The following VEZT variants were observed in gnomAD, a reference collection of about 807,000 sequenced individuals.
VEZT encodes vezatin.
VEZT carries 39 observed loss-of-function variants against 79.9 expected under a neutral mutation model. That is an observed-to-expected ratio of 0.49 (90% CI 0.38 to 0.64). The LOEUF is 0.64. Ranked by LOEUF, VEZT falls within the 30% of genes least tolerant of loss-of-function variation. The pLI is 0.00. For synonymous variants in VEZT, 325 were observed against 327.6 expected (o/e 0.99, Z 0.09); for missense variants, 837 against 893.1 (o/e 0.94, Z 0.80).
chr12:95,288,480 A>G (rs949798172), intron 9 of VEZT, among the ~76,000 whole-genome samples: 9 of 152,100 alleles, frequency 5.9e-5, no homozygotes, highest in East Asian at 1.9e-4. Flanking sequence ...TGGCATATCA[A>G]TTTTTAAAAA....
intron 1 of VEZT, among the ~76,000 whole-genome samples, chr12:95,250,316 TTTG>T (rs1389078369): frequency 1.3e-5 from 2 of 149,004 alleles, no homozygotes; most frequent in African/African-American, 4.9e-5. Context: ...TTTTTTTTTT[TTTG>T]TGAGACAAAG....
intron 1 of VEZT, among the ~76,000 whole-genome samples, chr12:95,249,744 T>C (rs1566084580): frequency 6.6e-6 from 1 of 152,206 alleles, no homozygotes; most frequent in Non-Finnish European, 1.5e-5. Context: ...CCTGACATTG[T>C]TAACTTGCTT....
rs1473200293 is a variant in VEZT at position 95,294,287 on chromosome 12, CA to C, written c.1539del (p.Cys514ValfsTer8). 6.3e-7 allele frequency: 1 copy of C among 1,587,182 alleles called. No individual in the cohort carries two copies. Among genetic ancestry groups the C allele is most frequent in the Non-Finnish European group, 8.6e-7 (1 of 1,166,094 alleles). Reference protein sequence around the residue: ...NTDKKGKPEIACENPHCTVVP... With the variant: ...NTDKKGKPEIXCENPHCTVVP... ...TTTTTTAAAGGCAAGCCTGAAATAG[CA>C]TGTGAAAACCCACATTGTACAGTAG... On this transcript the variant is annotated frameshift_variant, in exon 10 of 12. Coordinates refer to ENST00000436874, the MANE Select transcript of VEZT (RefSeq NM_017599.4). LOFTEE classifies it high-confidence loss of function.
chr12:95,228,319 G>A (rs1011903838), intron 1 of VEZT, among the ~76,000 whole-genome samples: 1 of 152,106 alleles, frequency 6.6e-6, no homozygotes, highest in Non-Finnish European at 1.5e-5. Context: ...ATGCATCTCT[G>A]AGGAACATGA....
chr12:95,289,181 G>A (rs1319545122), intron 9 of VEZT, among the ~76,000 whole-genome samples: 4 of 151,194 alleles, frequency 2.6e-5, no homozygotes, highest in Non-Finnish European at 4.4e-5. Context: ...ACTTTGGGAG[G>A]CTGAGGTGGG....
At chr12:95,252,857 C>T (rs1055330822) in intron 2 of VEZT, among the ~76,000 whole-genome samples, 2 of 152,030 alleles carry the variant, frequency 1.3e-5, no homozygotes, top group Admixed American at 6.6e-5. Context: ...CCCAGCTACT[C>T]GGGAGGCTGA....
chr12:95,295,406 T>G (rs1029521661), intron 10 of VEZT, among the ~76,000 whole-genome samples: 8 of 152,166 alleles, frequency 5.3e-5, no homozygotes, highest in Admixed American at 6.5e-5. Context: ...GTGATCCGCC[T>G]GCCTCAGCCT....
At chr12:95,249,701 A>T (rs2062220574) in intron 1 of VEZT, among the ~76,000 whole-genome samples, 1 of 152,124 alleles carries the variant, frequency 6.6e-6, no homozygotes, top group African/African-American at 2.4e-5. Context: ...TATCTTAGGT[A>T]TCTCTCCTGT....
chr12:95,227,311 C>T (rs2058629382), intron 1 of VEZT, among the ~76,000 whole-genome samples: 1 of 151,018 alleles, frequency 6.6e-6, no homozygotes. Flanking sequence ...CAGGCATGTG[C>T]CATCATGCCC....
At position 95,282,386 on chromosome 12, in the gene VEZT, A is replaced by T; in HGVS notation, c.1070A>T (p.Asn357Ile). The T allele has an allele frequency of 6.2e-7, 1 of 1,611,648 alleles. No homozygotes were observed. The highest frequency in any genetic ancestry group is 8.5e-7 in the Non-Finnish European group (1 of 1,177,908). ...TTAGCCCTATTACTTTCTACAGCCA[A>T]TTCACCTCCTGGGCCCTTACTTACT... ...RRLALLLSTA[N>I]SPPGPLLTPA... Residue 357 changes from asparagine (N) to isoleucine (I), a missense_variant, in exon 8 of 12, where the codon AAT becomes ATT. Asn to Ile is a moderately radical substitution (Grantham distance 149, BLOSUM62 -3). Transcript: ENST00000436874.
intron 1 of VEZT, among the ~76,000 whole-genome samples, chr12:95,241,097 G>A (rs1485771731): frequency 2.6e-5 from 4 of 152,062 alleles, no homozygotes; most frequent in South Asian, 2.1e-4. Context: ...GTGCAGTGGC[G>A]CTATCTCAGC....
intron 1 of VEZT, among the ~76,000 whole-genome samples, chr12:95,227,321 C>T (rs1359028640): frequency 6.9e-6 from 1 of 144,764 alleles, no homozygotes; most frequent in African/African-American, 2.6e-5. Context: ...CCATCATGCC[C>T]TACTAATTTT....
In VEZT at chr12:95,300,330, A is replaced by G; in HGVS notation, c.1997A>G (p.Glu666Gly). Residue 666 changes from glutamate to glycine, a missense_variant, in exon 12 of 12, where the codon GAA becomes GGA. Glu to Gly is a moderately conservative substitution (Grantham distance 98). Coordinates refer to ENST00000436874, the MANE Select transcript of VEZT (RefSeq NM_017599.4). ...ATAAGTAGGACTGAGTATTTATGTGAAAACTCTCTAGAAGGTAAAAATAAA... is the reference window on the plus strand; with the variant it reads ...ATAAGTAGGACTGAGTATTTATGTGGAAACTCTCTAGAAGGTAAAAATAAA... ...NEISRTEYLC[E>G]NSLEGKNKDN... The G allele has an allele frequency of 6.2e-7, 1 of 1,611,240 alleles. No individual in the cohort carries two copies.
Position 95,247,700 on chromosome 12 carries a change from G to T in VEZT, c.37-4240G>T, listed in dbSNP as rs796571300. Among the ~76,000 whole-genome samples the T allele has an allele frequency of 1.3e-3, 204 of 152,098 alleles. 1 individual carries two copies. The highest frequency in any genetic ancestry group is 4.8e-3 in the African/African-American group (198 of 41,518). On this transcript the variant is annotated intron_variant, in intron 1 of 11. Transcript: ENST00000436874. The stretch of plus-strand genomic sequence containing the variant: ...ATTTGAGAACTACTGGTTAGGATAT[G>T]GTTTTCTGAGATCTATTAAATAATA...
chr12:95,251,201 G>A (rs1287949521), intron 1 of VEZT, among the ~76,000 whole-genome samples: 5 of 152,074 alleles, frequency 3.3e-5, no homozygotes, highest in Non-Finnish European at 7.4e-5. Flanking sequence ...AGTAGAGTCA[G>A]CATTTCACCA....
chr12:95,280,962 G>A (rs1040600791), intron 7 of VEZT, among the ~76,000 whole-genome samples: 1 of 152,058 alleles, frequency 6.6e-6, no homozygotes, highest in Non-Finnish European at 1.5e-5. Flanking sequence ...TGGTAAAATA[G>A]ATATACATGA....
chr12:95,243,851 G>A (rs1312823413), intron 1 of VEZT: 1 of 416,704 alleles, frequency 2.4e-6, no homozygotes, highest in African/African-American at 2.1e-5. Flanking sequence ...TCCTGAAAGA[G>A]CAGGTTGTTA....
chr12:95,300,295 A>T lies in VEZT; in HGVS notation c.1962A>T (p.Thr654=). The T allele has an allele frequency of 6.2e-7, 1 of 1,608,056 alleles. No individual in the cohort carries two copies. The highest frequency in any genetic ancestry group is 8.5e-7 in the Non-Finnish European group (1 of 1,176,936). The part of the protein sequence containing the change: ...TEEESNKSAT[T]DNEISRTEYL... ...AGGAAAGTAATAAATCCGCCACAAC[A>T]GACAATGAAATAAGTAGGACTGAGT... is the stretch of plus-strand genomic sequence containing the variant. Residue 654 remains threonine (T), a synonymous_variant, in exon 12 of 12, where the codon ACA becomes ACT. Coordinates refer to ENST00000436874, the MANE Select transcript of VEZT (RefSeq NM_017599.4).
Position 95,274,786 on chromosome 12 carries a change from G to T in VEZT, c.893G>T (p.Cys298Phe). 6.2e-7 allele frequency: 1 copy of T among 1,613,840 alleles called. No individual in the cohort carries two copies. Among genetic ancestry groups the T allele is most frequent in the Non-Finnish European group, 8.5e-7 (1 of 1,179,802 alleles). ...AGTGACAATGTAACCAACTACATCTGTGTGGTGCCTTTTAAAGAGCTGGGC... is the reference window on the plus strand; with the variant it reads ...AGTGACAATGTAACCAACTACATCTTTGTGGTGCCTTTTAAAGAGCTGGGC... Reference protein sequence around the residue: ...SESDNVTNYICVVPFKELGLG... With the variant: ...SESDNVTNYIFVVPFKELGLG... The change falls in exon 7 of 12, where the codon TGT becomes TTT. Residue 298 changes from cysteine (C) to phenylalanine (F), a missense_variant. Physicochemically the swap from Cys to Phe is radical, Grantham distance 205. Transcript: ENST00000436874.
Sources: allele counts gnomAD v4.1 joint callset (sites outside exome capture counted in the v4.1 genomes callset), GRCh38; gene constraint gnomAD v4.1.1; transcripts MANE v1.5; gene names NCBI Gene and HGNC (gene_info 2026-07-23, HGNC 2026-07-21).